The following DLGAP1 variants were observed in gnomAD, a reference collection of about 807,000 sequenced individuals.
The protein encoded by DLGAP1 is DLG associated protein 1.
Under a neutral mutation model 90.8 loss-of-function variants are expected in DLGAP1, and 11 were observed. The observed-to-expected ratio is 0.12, with a 90% CI of 0.08 to 0.20. The LOEUF (loss-of-function observed/expected upper bound fraction) is 0.20. DLGAP1 is among the 10% of genes least tolerant of loss of function. The probability of loss-of-function intolerance (pLI) is 1.00; values close to 1 mark genes in which losing one functional copy is unlikely to be tolerated. For synonymous variants in DLGAP1, 558 were observed against 540.7 expected, an observed-to-expected ratio of 1.03 and a Z score of -0.44; for missense variants, 1,050 against 1,333.8, an observed-to-expected ratio of 0.79 and a Z score of 3.31.
chr18:4,284,567 A>C (rs2079636102), intron 1 of DLGAP1, among the ~76,000 whole-genome samples: 1 of 152,154 alleles, frequency 6.6e-6, no homozygotes, highest in African/African-American at 2.4e-5. Context: ...TAGCAGAATT[A>C]TTACAGGTGA....
At chr18:3,522,780 T>C (rs1174986884) in intron 10 of DLGAP1, among the ~76,000 whole-genome samples, 1 of 152,046 alleles carries the variant, frequency 6.6e-6, no homozygotes, top group Non-Finnish European at 1.5e-5. Flanking sequence ...TGACCTCAGA[T>C]GATCTGCCCA....
At chr18:3,976,597 T>C (rs182845246) in intron 3 of DLGAP1, among the ~76,000 whole-genome samples, 1 of 152,326 alleles carries the variant, frequency 6.6e-6, no homozygotes, top group African/African-American at 2.4e-5. Context: ...TATACCTATG[T>C]CAAGAGAAAA....
At chr18:4,030,061 C>T (rs1358032974) in intron 2 of DLGAP1, among the ~76,000 whole-genome samples, 2 of 152,164 alleles carry the variant, frequency 1.3e-5, no homozygotes, top group Non-Finnish European at 2.9e-5. Flanking sequence ...GGCGCGATCT[C>T]GGCTCACTGC....
At chr18:4,415,007 T>C (rs993827712) in intron 1 of DLGAP1, among the ~76,000 whole-genome samples, 1 of 150,982 alleles carries the variant, frequency 6.6e-6, no homozygotes, top group Non-Finnish European at 1.5e-5. Flanking sequence ...GTTTAAAACA[T>C]TGGGTCAATT....
chr18:3,704,884 ATAT>A (rs1671622326), intron 7 of DLGAP1, among the ~76,000 whole-genome samples: 1 of 152,236 alleles, frequency 6.6e-6, no homozygotes, highest in South Asian at 2.1e-4. Flanking sequence ...TGATTCCATA[ATAT>A]TAGTATTTAA....
intron 5 of DLGAP1, among the ~76,000 whole-genome samples, chr18:3,758,534 T>TTGGA (rs1347428810): frequency 6.6e-6 from 1 of 152,242 alleles, no homozygotes; most frequent in East Asian, 1.9e-4. Flanking sequence ...CTCTCCCTAA[T>TTGGA]GCCTGCGCTC....
At chr18:3,955,686 C>T (rs946422792) in intron 3 of DLGAP1, among the ~76,000 whole-genome samples, 2 of 151,382 alleles carry the variant, frequency 1.3e-5, no homozygotes, top group East Asian at 1.9e-4. Context: ...TGCACTCCAC[C>T]CTGGGCAAAA....
At chr18:3,630,498 A>G (rs2058485206) in intron 7 of DLGAP1, among the ~76,000 whole-genome samples, 1 of 151,994 alleles carries the variant, frequency 6.6e-6, no homozygotes, top group African/African-American at 2.4e-5. Flanking sequence ...CCTATAATAA[A>G]TCTTTGTCTT....
rs1568332405 is a variant in DLGAP1, at chr18:3,980,231, C to T, written c.-73+24885G>A. On this transcript the variant is annotated intron_variant, in intron 3 of 12. Coordinates refer to ENST00000315677, the MANE Select transcript of DLGAP1 (RefSeq NM_004746.4). ...TGGTGAGGAAGGAGAAGAGGAGAGG[C>T]TGCAGGGGTCTGATCTCAGGCATCG... Among the ~76,000 whole-genome samples, 5 of 152,076 alleles carry T rather than the reference C, an allele frequency of 3.3e-5. No homozygotes were observed. The South Asian group carries it at 8.3e-4, about 25-fold the overall frequency.
chr18:3,991,054 G>A (rs568214393), intron 3 of DLGAP1, among the ~76,000 whole-genome samples: 2 of 152,114 alleles, frequency 1.3e-5, no homozygotes, highest in South Asian at 4.2e-4. Flanking sequence ...TAAATTGTGT[G>A]TCACAGGGGT....
chr18:3,557,498 G>A (rs2053827005), intron 9 of DLGAP1, among the ~76,000 whole-genome samples: 1 of 152,112 alleles, frequency 6.6e-6, no homozygotes, highest in African/African-American at 2.4e-5. Context: ...CTCCAGCCTG[G>A]GTGACAGAGT....
intron 5 of DLGAP1, among the ~76,000 whole-genome samples, chr18:3,747,164 C>T (rs1456646167): frequency 6.6e-6 from 1 of 152,048 alleles, no homozygotes; most frequent in Non-Finnish European, 1.5e-5. Flanking sequence ...GCCTGGGCTA[C>T]ATAGTGAGGC....
chr18:3,799,275 CTTA>C (rs1443038614), intron 5 of DLGAP1, among the ~76,000 whole-genome samples: 1 of 152,202 alleles, frequency 6.6e-6, no homozygotes, highest in African/African-American at 2.4e-5. Flanking sequence ...TCTGCCTTCT[CTTA>C]TTATTTCAGG....
Position 3,930,333 on chromosome 18 carries a change from C to G in DLGAP1, c.-72-50193G>C, listed in dbSNP as rs2072488602. ...GGTACTGTGCTATGCTCACTGCTAT[C>G]TTCTTCGTGGCAAATATTTTCCCAG... On this transcript the variant is annotated intron_variant, in intron 3 of 12. Transcript: ENST00000315677. Among the ~76,000 whole-genome samples, 4 of 152,292 alleles carry G rather than the reference C, an allele frequency of 2.6e-5. No individual in the cohort carries two copies. In the South Asian group the frequency reaches 6.2e-4, roughly 24 times the overall value.
intron 7 of DLGAP1, among the ~76,000 whole-genome samples, chr18:3,649,846 T>C (rs920813414): frequency 3.9e-5 from 6 of 152,108 alleles, no homozygotes; most frequent in Non-Finnish European, 7.4e-5. Context: ...ATGAGGTCAA[T>C]GGTTGGTCAT....
intron 1 of DLGAP1, among the ~76,000 whole-genome samples, chr18:4,409,505 T>C (rs78981655): frequency 6.6e-6 from 1 of 152,170 alleles, no homozygotes. Context: ...TTTCTGAAGA[T>C]AGTGAGGGAT....
At chr18:4,178,947 ATTT>A (rs1030283602) in intron 1 of DLGAP1, among the ~76,000 whole-genome samples, 40 of 152,178 alleles carry the variant, frequency 2.6e-4, no homozygotes, top group Non-Finnish European at 4.7e-4. Context: ...TATTCATAAC[ATTT>A]TTATTTATAA....
intron 3 of DLGAP1, among the ~76,000 whole-genome samples, chr18:3,910,417 A>T (rs923425064): frequency 2.6e-5 from 4 of 152,118 alleles, no homozygotes; most frequent in Non-Finnish European, 4.4e-5. Flanking sequence ...ATGGAGAGTG[A>T]TGTCTGGATT....
intron 7 of DLGAP1, among the ~76,000 whole-genome samples, chr18:3,715,428 T>C (rs1356127914): frequency 2.0e-5 from 3 of 152,218 alleles, no homozygotes; most frequent in African/African-American, 7.2e-5. Context: ...TGTACAGGTG[T>C]ACGAGAAAGC....
Sources: gnomAD v4.1 joint callset for allele counts (sites outside exome capture counted in the v4.1 genomes callset) on GRCh38, gnomAD v4.1.1 for gene constraint, MANE v1.5 for transcripts, NCBI Gene and HGNC (gene_info 2026-07-23, HGNC 2026-07-21) for gene names.